Variants in EIF4G3 observed in about 807,000 individuals in gnomAD.
EIF4G3 encodes the protein eukaryotic translation initiation factor 4 gamma 3, also known as eIF-4-gamma 3.
A neutral mutation model predicts 186.4 loss-of-function variants in EIF4G3; 34 were observed. The observed-to-expected ratio is 0.18, with a 90% CI of 0.14 to 0.24. The LOEUF (loss-of-function observed/expected upper bound fraction) is 0.24, where lower values mean the gene tolerates loss of function less well. Among genes scored for constraint, EIF4G3 ranks in the 10% least tolerant of loss-of-function variants. The pLI, the probability that EIF4G3 is intolerant of heterozygous loss-of-function variation, is 1.00. For missense variants in EIF4G3, 1,536 were observed against 1,948.5 expected, an observed-to-expected ratio of 0.79 and a Z score of 3.99; for synonymous variants, 673 against 679.5, an observed-to-expected ratio of 0.99 and a Z score of 0.15.
At chr1:21,125,235 A>AG (rs1329095983) in intron 2 of EIF4G3, among the ~76,000 whole-genome samples, 1 of 152,254 alleles carries the variant, frequency 6.6e-6, no homozygotes, top group East Asian at 1.9e-4. Flanking sequence ...GCTTTTAAAA[A>AG]GATGAGAGAA....
rs7550243 is a variant in EIF4G3 at position 20,886,425 on chromosome 1, T to C, written c.2254-54A>G. 1,919 of 1,574,232 alleles carry C rather than the reference T, an allele frequency of 1.2e-3. 24 individuals carry two copies. The African/African-American group carries it at 0.023, about 19-fold the overall frequency. ...AGTACTTACAATTTATTGGCTTTGT[T>C]GTGCTGTTCAAGTCAAGTCTGATGA... On this transcript the variant is annotated intron_variant, in intron 18 of 36. Coordinates refer to ENST00000602326, the MANE Select transcript of EIF4G3 (RefSeq NM_001391906.1).
At chr1:21,157,428 G>C (rs996778605) in intron 2 of EIF4G3, among the ~76,000 whole-genome samples, 1 of 151,816 alleles carries the variant, frequency 6.6e-6, no homozygotes, top group Admixed American at 6.6e-5. Context: ...CTGGAGTGCA[G>C]TGGTATGATC....
chr1:20,825,703 T>C (rs1264330759), intron 32 of EIF4G3, among the ~76,000 whole-genome samples: 2 of 152,222 alleles, frequency 1.3e-5, no homozygotes, highest in Non-Finnish European at 2.9e-5. Flanking sequence ...TAGCTCTGTA[T>C]GTATCTGCTA....
At chr1:21,036,890 A>G (rs959211363) in intron 4 of EIF4G3, among the ~76,000 whole-genome samples, 2 of 151,924 alleles carry the variant, frequency 1.3e-5, no homozygotes, top group Admixed American at 1.3e-4. Flanking sequence ...TAAAAAAATA[A>G]TAAAATAAAA....
intron 2 of EIF4G3, among the ~76,000 whole-genome samples, chr1:21,125,681 T>C (rs34033361): frequency 0.027 from 4,141 of 151,710 alleles, 88 homozygotes; most frequent in Non-Finnish European, 0.038. Flanking sequence ...ATTGTGCCAT[T>C]GCACTCCAGC....
chr1:20,910,774 T>TA (rs1225801388), intron 14 of EIF4G3, among the ~76,000 whole-genome samples: 1 of 152,142 alleles, frequency 6.6e-6, no homozygotes, highest in Admixed American at 6.6e-5. Flanking sequence ...ATGGGATTTT[T>TA]AGAGAGTAGG....
At chr1:20,975,489 A>C (rs919695274) in intron 10 of EIF4G3, among the ~76,000 whole-genome samples, 2 of 151,824 alleles carry the variant, frequency 1.3e-5, no homozygotes, top group African/African-American at 4.8e-5. Context: ...GTGACAGAAC[A>C]AGATAATCTC....
intron 3 of EIF4G3, chr1:21,064,518 G>A (rs913910340): frequency 6.6e-6 from 1 of 152,210 alleles, no homozygotes; most frequent in Admixed American, 6.5e-5. Context: ...AGCGTAAAGG[G>A]AGGAAGCCAA....
chr1:20,963,232 A>C (rs2073831292), intron 12 of EIF4G3, among the ~76,000 whole-genome samples: 2 of 152,156 alleles, frequency 1.3e-5, no homozygotes. Context: ...TTCATGACAT[A>C]CCTAAATTTT....
At chr1:20,954,919 T>C (rs960349650) in intron 12 of EIF4G3, among the ~76,000 whole-genome samples, 2 of 152,190 alleles carry the variant, frequency 1.3e-5, no homozygotes, top group African/African-American at 4.8e-5. Flanking sequence ...GTAAGCAACA[T>C]TCAGGTTGAC....
intron 12 of EIF4G3, among the ~76,000 whole-genome samples, chr1:20,953,576 T>G (rs1440745386): frequency 3.3e-5 from 5 of 152,218 alleles, no homozygotes; most frequent in African/African-American, 1.2e-4. Flanking sequence ...CTAAATTTGT[T>G]CTTTAATACT....
At position 20,936,238 on chromosome 1, in the gene EIF4G3, G is replaced by A. The variant is rs72652973; in HGVS notation, c.1663+5253C>T. 6.9e-3 allele frequency among the ~76,000 whole-genome samples: 1,054 copies of A among 152,282 alleles called. 4 individuals are homozygous for A. The highest frequency in any genetic ancestry group is 0.017 in the Middle Eastern group (5 of 294). The stretch of plus-strand genomic sequence containing the variant: ...ACAAGAAAATAGGAATGGGATGGCA[G>A]AAACATACCTTTTAGGCAGCTTTGT... On this transcript the variant is annotated intron_variant, in intron 14 of 36. Coordinates refer to ENST00000602326, the MANE Select transcript of EIF4G3 (RefSeq NM_001391906.1).
intron 4 of EIF4G3, among the ~76,000 whole-genome samples, chr1:21,013,504 G>A (rs959323664): frequency 6.6e-6 from 1 of 152,100 alleles, no homozygotes; most frequent in Non-Finnish European, 1.5e-5. Flanking sequence ...CTTGTCTGGG[G>A]GTGCTGCTCA....
At chr1:20,925,698 T>G (rs2094835493) in intron 14 of EIF4G3, among the ~76,000 whole-genome samples, 1 of 152,210 alleles carries the variant, frequency 6.6e-6, no homozygotes, top group African/African-American at 2.4e-5. Flanking sequence ...CAAGCCTGGC[T>G]AATGTTTAAA....
chr1:21,063,207 C>A (rs941549828), intron 3 of EIF4G3, among the ~76,000 whole-genome samples: 1 of 152,060 alleles, frequency 6.6e-6, no homozygotes, highest in Non-Finnish European at 1.5e-5. Flanking sequence ...GCACATGCTA[C>A]GACGCCCGGC....
intron 7 of EIF4G3, among the ~76,000 whole-genome samples, chr1:20,983,937 T>G (rs1570359417): frequency 6.6e-6 from 1 of 152,338 alleles, no homozygotes; most frequent in East Asian, 1.9e-4. Context: ...AGTCTGTATG[T>G]GAAATATTTT....
chr1:20,857,373 C>G, intron 25 of EIF4G3, 30 bp downstream of exon 25: 2 of 1,533,758 alleles, frequency 1.3e-6, no homozygotes, highest in Non-Finnish European at 1.8e-6. Context: ...CAAAGGAGAG[C>G]GTAAATTGTA....
intron 30 of EIF4G3, among the ~76,000 whole-genome samples, chr1:20,833,858 A>G (rs1336429951): frequency 6.6e-6 from 1 of 152,240 alleles, no homozygotes; most frequent in Non-Finnish European, 1.5e-5. Flanking sequence ...CTGAATGGGC[A>G]AAAACTGGAA....
At chr1:20,860,718 G>A (rs2076142166) in intron 23 of EIF4G3, among the ~76,000 whole-genome samples, 1 of 152,086 alleles carries the variant, frequency 6.6e-6, no homozygotes, top group Admixed American at 6.6e-5. Flanking sequence ...GTCAAAACTG[G>A]CCAATTGTAT....
Sources: allele counts gnomAD v4.1 joint callset (sites outside exome capture counted in the v4.1 genomes callset), GRCh38; gene constraint gnomAD v4.1.1; transcripts MANE v1.5; gene names NCBI Gene and HGNC (gene_info 2026-07-23, HGNC 2026-07-21).